Variants in TEK observed in about 807,000 individuals in gnomAD.
The protein encoded by TEK is angiopoietin-1 receptor.
A neutral mutation model predicts 131.8 loss-of-function variants in TEK; 43 were observed. That is an observed-to-expected ratio of 0.33 (90% CI 0.26 to 0.42). The LOEUF (loss-of-function observed/expected upper bound fraction) is 0.42. Among genes scored for constraint, TEK ranks in the 10% least tolerant of loss-of-function variants. The pLI, the probability that TEK is intolerant of heterozygous loss-of-function variation, is 1.00. For synonymous variants in TEK, 580 were observed against 491.6 expected, an observed-to-expected ratio of 1.18 and a Z score of -2.38; for missense variants, 1,162 against 1,384.4, an observed-to-expected ratio of 0.84 and a Z score of 2.55.
intron 6 of TEK, among the ~76,000 whole-genome samples, chr9:27,175,253 T>G (rs1824121324): frequency 6.6e-6 from 1 of 150,800 alleles, no homozygotes; most frequent in Non-Finnish European, 1.5e-5. Flanking sequence ...TTTTTTGTCC[T>G]TGTGATAGTT....
intron 14 of TEK, among the ~76,000 whole-genome samples, chr9:27,205,849 A>C (rs1392000048): frequency 1.2e-4 from 18 of 152,182 alleles, no homozygotes. Context: ...CCCCATGTGC[A>C]TGAGTCCCCG....
At chr9:27,218,595 T>TGTAACCCTTC (rs1291315685) in intron 19 of TEK, among the ~76,000 whole-genome samples, 182 bp from the exon 20 acceptor site, 1 of 152,174 alleles carries the variant, frequency 6.6e-6, no homozygotes. Context: ...GTTTCTTTGT[T>TGTAACCCTTC]GTAACCCTTC....
intron 2 of TEK, 51 bp downstream of exon 2, chr9:27,158,193 C>T (rs1194382558): frequency 2.5e-6 from 4 of 1,606,514 alleles, no homozygotes; most frequent in Non-Finnish European, 3.4e-6. Flanking sequence ...GGAACACACA[C>T]ACCTTTTGTC....
chr9:27,114,876 A>G (rs1389384904), intron 1 of TEK, among the ~76,000 whole-genome samples: 2 of 152,202 alleles, frequency 1.3e-5, no homozygotes, highest in Non-Finnish European at 2.9e-5. Context: ...TATTCAATAG[A>G]TATTTATTGA....
At chr9:27,217,943 C>A (rs1225083690) in intron 19 of TEK, among the ~76,000 whole-genome samples, 185 bp downstream of exon 19, 3 of 152,120 alleles carry the variant, frequency 2.0e-5, no homozygotes, top group Non-Finnish European at 4.4e-5. Context: ...AGTGCAGAAT[C>A]ACTTGTGGCA....
rs561073993 is a variant in TEK at position 27,163,426 on chromosome 9, G to T, written c.365-5069G>T. 1.7e-4 allele frequency among the ~76,000 whole-genome samples: 26 copies of T among 152,266 alleles called. No homozygotes were observed. In the South Asian group the frequency reaches 4.6e-3, roughly 27 times the overall value. On this transcript the variant is annotated intron_variant, in intron 2 of 22. Coordinates refer to ENST00000380036, the MANE Select transcript of TEK (RefSeq NM_000459.5). ...AACCTGTGTTCCAGGTGTTGTGTGA[G>T]GTCTCTGAAAATTCCTAAATGGAAA...
chr9:27,220,617 T>A (rs1388858769), intron 21 of TEK, among the ~76,000 whole-genome samples: 1 of 152,186 alleles, frequency 6.6e-6, no homozygotes, highest in Non-Finnish European at 1.5e-5. Context: ...GCTCATCTCA[T>A]AGGGACTGGT....
At chr9:27,149,751 A>G (rs559634423) in intron 1 of TEK, among the ~76,000 whole-genome samples, 28 of 152,282 alleles carry the variant, frequency 1.8e-4, no homozygotes, top group African/African-American at 6.7e-4. Context: ...GAAGATAGAT[A>G]TGCTTGGTTG....
chr9:27,173,200 A>G (rs1487112021), intron 5 of TEK, 22 bp from the exon 6 acceptor site: 3 of 1,613,796 alleles, frequency 1.9e-6, no homozygotes, highest in African/African-American at 2.7e-5. Flanking sequence ...ACTCTGAATC[A>G]TCTTTTCTTT....
Position 27,202,665 on chromosome 9 carries a change from G to A in TEK, c.1910-155G>A, listed in dbSNP as rs7876024. ...GTCTGTGCCACTCTTTCAAGTCTGC[G>A]TGGAGTCCAGTAGCCACTACCAATT... On this transcript the variant is annotated intron_variant, in intron 12 of 22. Transcript: ENST00000380036. Among the ~76,000 whole-genome samples the A allele has an allele frequency of 0.25, 37,835 of 152,082 alleles. 4,892 individuals are homozygous for A. Among genetic ancestry groups the A allele is most frequent in the Admixed American group, 0.33 (5,076 of 15,270 alleles).
intron 1 of TEK, among the ~76,000 whole-genome samples, chr9:27,130,881 A>G (rs1334446871): frequency 2.0e-5 from 3 of 152,152 alleles, no homozygotes; most frequent in Non-Finnish European, 4.4e-5. Flanking sequence ...ACTTTAAAAA[A>G]CAAAACAAAA....
chr9:27,132,497 A>G (rs1405106166), intron 1 of TEK, among the ~76,000 whole-genome samples: 2 of 152,230 alleles, frequency 1.3e-5, no homozygotes, highest in Non-Finnish European at 2.9e-5. Context: ...ATGGAAAAAG[A>G]TTCCAGAGAC....
chr9:27,195,412 T>C (rs1824968860), intron 11 of TEK, among the ~76,000 whole-genome samples: 1 of 152,210 alleles, frequency 6.6e-6, no homozygotes, highest in Non-Finnish European at 1.5e-5. Context: ...TAGTAGATCC[T>C]GCCTCCCGTG....
At chr9:27,137,400 T>C (rs886386206) in intron 1 of TEK, among the ~76,000 whole-genome samples, 1 of 152,206 alleles carries the variant, frequency 6.6e-6, no homozygotes, top group Non-Finnish European at 1.5e-5. Context: ...TTTTCACATG[T>C]AAGGAGTAGT....
intron 1 of TEK, among the ~76,000 whole-genome samples, chr9:27,151,730 A>G (rs1056456308): frequency 6.6e-6 from 1 of 152,150 alleles, no homozygotes; most frequent in Non-Finnish European, 1.5e-5. Context: ...TTGTATATTC[A>G]CTGCTGTGTC....
intron 1 of TEK, among the ~76,000 whole-genome samples, chr9:27,131,066 C>T (rs62542757): frequency 0.13 from 19,317 of 152,080 alleles, 1,534 homozygotes; most frequent in Middle Eastern, 0.26. Context: ...GTCAAACTAG[C>T]GAAGATTAAA....
rs763449420 is a variant in TEK at position 27,213,524 on chromosome 9, G to C, written c.2918G>C (p.Gly973Ala). ...RDLAARNILV[G>A]ENYVAKIADF... is the part of the protein sequence containing the mutation. ...CTGGCTGCCAGAAACATTTTAGTTG[G>C]TGAAAACTATGTGGCAAAAATAGCA... The change falls in exon 18 of 23, where the codon GGT (glycine) becomes GCT (alanine). Residue 973 changes from glycine (G) to alanine (A), a missense_variant. This residue lies in a region of TEK where 107 missense variants were observed against 173.9 expected (regional missense o/e 0.62). Coordinates refer to ENST00000380036, the MANE Select transcript of TEK (RefSeq NM_000459.5). 2.5e-6 allele frequency: 4 copies of C among 1,613,924 alleles called. No individual in the cohort carries two copies. Among genetic ancestry groups the C allele is most frequent in the African/African-American group, 1.3e-5 (1 of 74,902 alleles).
chr9:27,220,228 G>C, intron 21 of TEK, 83 bp downstream of exon 21: 1 of 1,315,676 alleles, frequency 7.6e-7, no homozygotes, highest in Non-Finnish European at 1.1e-6. Flanking sequence ...AGCAAAGTCA[G>C]CCGGTATACA....
At chr9:27,192,269 T>C (rs1824848737) in intron 10 of TEK, among the ~76,000 whole-genome samples, 2 of 152,166 alleles carry the variant, frequency 1.3e-5, no homozygotes, top group African/African-American at 4.8e-5. Context: ...GGCACAGAAA[T>C]ACACACTTTA....
Sources: allele counts gnomAD v4.1 joint callset (sites outside exome capture counted in the v4.1 genomes callset), GRCh38; gene constraint gnomAD v4.1.1; regional missense constraint gnomAD v4.1.1; transcripts MANE v1.5; gene names NCBI Gene and HGNC (gene_info 2026-07-23, HGNC 2026-07-21).